Variants in CYRIA observed in about 807,000 individuals in gnomAD.
CYRIA encodes the protein CYFIP-related Rac1 interactor A.
In CYRIA, 15 loss-of-function variants were observed where a neutral mutation model predicts 43.9. That is an observed-to-expected ratio of 0.34 (90% CI 0.23 to 0.53). The LOEUF (loss-of-function observed/expected upper bound fraction) is 0.53. CYRIA is among the 20% of genes least tolerant of loss of function. CYRIA has a pLI of 0.94. For synonymous variants in CYRIA, 117 were observed against 136.0 expected (o/e 0.86, Z 0.97); for missense variants, 236 against 394.2 (o/e 0.60, Z 3.40).
intron 1 of CYRIA, among the ~76,000 whole-genome samples, chr2:16,634,330 G>T (rs2103525823): frequency 6.6e-6 from 1 of 152,232 alleles, no homozygotes; most frequent in African/African-American, 2.4e-5. Flanking sequence ...ATTCCAGAAT[G>T]GTAAAATCCA....
rs565460774 is a variant in CYRIA, at chr2:16,629,553, T to C, written c.-166-5534A>G. Among the ~76,000 whole-genome samples, 247 of 152,272 alleles carry C rather than the reference T, an allele frequency of 1.6e-3. 1 individual carries two copies. The highest frequency in any genetic ancestry group is 2.7e-3 in the Non-Finnish European group (185 of 68,012). On this transcript the variant is annotated intron_variant, in intron 1 of 11. Coordinates refer to ENST00000381323, the MANE Select transcript of CYRIA (RefSeq NM_030797.4). ...GCGTATGTTTAATCATGGAGCATCATAGGACCTCGAGGCCAGGGATTTTCA... is the reference window on the plus strand; with the variant it reads ...GCGTATGTTTAATCATGGAGCATCACAGGACCTCGAGGCCAGGGATTTTCA...
intron 1 of CYRIA, among the ~76,000 whole-genome samples, chr2:16,648,390 A>G (rs765325767): frequency 1.3e-5 from 2 of 152,038 alleles, no homozygotes; most frequent in Non-Finnish European, 1.5e-5. Context: ...AGAAAGACAC[A>G]ACAATGGTCA....
At chr2:16,580,636 A>T (rs1667520277) in intron 3 of CYRIA, among the ~76,000 whole-genome samples, 1 of 152,190 alleles carries the variant, frequency 6.6e-6, no homozygotes, top group South Asian at 2.1e-4. Flanking sequence ...GTAGAAACTA[A>T]GGACTAATTA....
In CYRIA at chr2:16,650,519, T is replaced by C. The variant is rs148928511; in HGVS notation, c.-167+15261A>G. On this transcript the variant is annotated intron_variant, in intron 1 of 11. Coordinates refer to ENST00000381323, the MANE Select transcript of CYRIA (RefSeq NM_030797.4). This position sits in a 1 kb window ranked among gnomAD's most constrained non-coding sequence, Gnocchi z 4.1. ...CAACAACAGACCAAGAGGCCTACAATAGAACAAATGCAGAACCTTCTCCGT... is the reference window on the plus strand; with the variant it reads ...CAACAACAGACCAAGAGGCCTACAACAGAACAAATGCAGAACCTTCTCCGT... Among the ~76,000 whole-genome samples the C allele has an allele frequency of 7.2e-5, 11 of 152,308 alleles. No homozygotes were observed. The highest frequency in any genetic ancestry group is 2.4e-4 in the African/African-American group (10 of 41,564).
At chr2:16,566,634 C>A (rs143122951) in intron 3 of CYRIA, among the ~76,000 whole-genome samples, 15 of 152,252 alleles carry the variant, frequency 9.9e-5, no homozygotes, top group Admixed American at 1.3e-4. Context: ...ACAAGTGACA[C>A]ACTGAAGCTT....
chr2:16,626,312 A>G (rs1558433264), intron 1 of CYRIA, among the ~76,000 whole-genome samples: 3 of 152,110 alleles, frequency 2.0e-5, no homozygotes, highest in Non-Finnish European at 4.4e-5. Flanking sequence ...CTCACAAAAA[A>G]TACAGACCCA....
chr2:16,565,645 C>T lies in CYRIA; in HGVS notation c.192+1G>A. The T allele has an allele frequency of 6.4e-7, 1 of 1,560,170 alleles. No homozygotes were observed. The highest frequency in any genetic ancestry group is 8.8e-7 in the Non-Finnish European group (1 of 1,141,354). On this transcript the variant is annotated splice_donor_variant, in intron 4 of 11. Coordinates refer to ENST00000381323, the MANE Select transcript of CYRIA (RefSeq NM_030797.4). LOFTEE classifies it high-confidence loss of function. The stretch of plus-strand genomic sequence containing the variant: ...TCAGTTCAGCGTGATCATTGACATA[C>T]ATCTCGGATCTCTGGGCCTGCGCCT...
At chr2:16,651,508 C>T (rs957568283) in intron 1 of CYRIA, among the ~76,000 whole-genome samples, 2 of 152,214 alleles carry the variant, frequency 1.3e-5, no homozygotes, top group African/African-American at 4.8e-5. Flanking sequence ...TGTGAACAGA[C>T]TCTATCCTTC....
intron 2 of CYRIA, among the ~76,000 whole-genome samples, chr2:16,616,453 C>T (rs1224511007): frequency 6.6e-6 from 1 of 152,204 alleles, no homozygotes; most frequent in East Asian, 1.9e-4. Flanking sequence ...TCCACACTGA[C>T]TCCAGGCCTC....
chr2:16,575,916 T>C (rs1667328252), intron 3 of CYRIA, among the ~76,000 whole-genome samples: 1 of 140,066 alleles, frequency 7.1e-6, no homozygotes, highest in African/African-American at 2.6e-5. Flanking sequence ...TAAAGAGCAG[T>C]TCCCCTGCAC....
rs140207345 is a variant in CYRIA at position 16,559,208 on chromosome 2, T to C, written c.837+252A>G. On this transcript the variant is annotated intron_variant, in intron 10 of 11. Coordinates refer to ENST00000381323, the MANE Select transcript of CYRIA (RefSeq NM_030797.4). ...GCATGCAACTAAGTGACTGTTCATT[T>C]GCTCAGCTCCATTAGAGACTGAGGG... Among the ~76,000 whole-genome samples, 23 of 152,304 alleles carry C rather than the reference T, an allele frequency of 1.5e-4. No individual in the cohort carries two copies. In the East Asian group the frequency reaches 4.3e-3, roughly 28 times the overall value.
intron 1 of CYRIA, among the ~76,000 whole-genome samples, chr2:16,631,204 T>C (rs1250822149): frequency 6.6e-6 from 1 of 152,248 alleles, no homozygotes; most frequent in Non-Finnish European, 1.5e-5. Context: ...GTGTTTTATC[T>C]CCACCATTGA....
chr2:16,561,150 A>G lies in CYRIA; in HGVS notation c.630+11T>C, dbSNP rs774026914. 6.2e-7 allele frequency: 1 copy of G among 1,612,344 alleles called. No individual in the cohort carries two copies. The highest frequency in any genetic ancestry group is 1.1e-5 in the South Asian group (1 of 91,060). On this transcript the variant is annotated intron_variant, in intron 8 of 11. Transcript: ENST00000381323. ...AAGGAAAAAAGCACCTCGTTGCTCA[A>G]CTTCACTTACTTCAGAGACAAAGTG...
chr2:16,583,694 T>G (rs1192675055), intron 3 of CYRIA, among the ~76,000 whole-genome samples: 1 of 152,190 alleles, frequency 6.6e-6, no homozygotes, highest in African/African-American at 2.4e-5. Flanking sequence ...CGTGAAAGAT[T>G]AGTTTGCTAC....
At chr2:16,608,077 C>G (rs1446170166) in intron 2 of CYRIA, among the ~76,000 whole-genome samples, 1 of 152,120 alleles carries the variant, frequency 6.6e-6, no homozygotes, top group Middle Eastern at 3.2e-3. Flanking sequence ...TCAACCACTC[C>G]TCCTCACTCC....
chr2:16,637,762 A>G (rs1051254246), intron 1 of CYRIA, among the ~76,000 whole-genome samples: 4 of 152,238 alleles, frequency 2.6e-5, no homozygotes, highest in Non-Finnish European at 5.9e-5. Flanking sequence ...TCATTATACA[A>G]AATAATCTCT....
At chr2:16,601,298 C>T (rs1668197210) in intron 2 of CYRIA, among the ~76,000 whole-genome samples, 1 of 152,122 alleles carries the variant, frequency 6.6e-6, no homozygotes, top group Admixed American at 6.5e-5. Flanking sequence ...TGAGAGAAGC[C>T]CTCCAGCTGA....
chr2:16,626,024 T>A (rs1188902383), intron 1 of CYRIA, among the ~76,000 whole-genome samples: 2 of 152,112 alleles, frequency 1.3e-5, no homozygotes, highest in African/African-American at 4.8e-5. Context: ...TGTCTTCCTG[T>A]CCATTTTGTT....
At position 16,552,848 on chromosome 2, in the gene CYRIA, A is replaced by G. The variant is rs936919823; in HGVS notation, c.*88T>C. On this transcript the variant is annotated 3_prime_UTR_variant, in exon 12 of 12. Transcript: ENST00000381323. Reference sequence around the variant, plus strand: ...AAGAAGGAAACGGTTATGTAAATACACAAGTATTAACATCAATCTGTATTA... The same window carrying G: ...AAGAAGGAAACGGTTATGTAAATACGCAAGTATTAACATCAATCTGTATTA... 5 of 849,592 alleles carry G rather than the reference A, an allele frequency of 5.9e-6. No individual in the cohort carries two copies. The Admixed American group carries it at 7.3e-5, about 12-fold the overall frequency. 52.6% of individuals were successfully genotyped at this position (849,592 alleles called of 1,614,324 possible).
Sources: gnomAD v4.1 joint callset for allele counts (sites outside exome capture counted in the v4.1 genomes callset) on GRCh38, gnomAD v4.1.1 for gene constraint, Gnocchi (gnomAD v3.1) non-coding constraint, MANE v1.5 for transcripts, NCBI Gene and HGNC (gene_info 2026-07-23, HGNC 2026-07-21) for gene names.